Variants in MYH13 observed in about 807,000 individuals in gnomAD.
MYH13 encodes the protein myosin-13.
In MYH13, 177 loss-of-function variants were observed where a neutral mutation model predicts 232.1. That is an observed-to-expected ratio of 0.76 (90% confidence interval 0.67 to 0.86). The LOEUF (loss-of-function observed/expected upper bound fraction) is 0.86, where lower values mean the gene tolerates loss of function less well. MYH13 is among the 40% of genes least tolerant of loss of function. MYH13 has a pLI of 0.00. For missense variants in MYH13, 2,246 were observed against 2,405.9 expected (o/e 0.93, Z 1.39); for synonymous variants, 884 against 923.5 (o/e 0.96, Z 0.78).
rs766050837 is a variant in MYH13 at position 10,362,472 on chromosome 17, G to C, written c.236C>G (p.Pro79Arg). ...MLTLNNDQVF[P>R]MNPPKFDKIE... is the part of the protein sequence containing the mutation. ...CTTGTCAAATTTGGGAGGGTTCATG[G>C]GGAAGACCTGGTCATTGTTCAGAGT... Residue 79 changes from proline to arginine, a missense_variant, in exon 4 of 41, where the codon CCC becomes CGC. By Grantham distance (103) the Pro-to-Arg change is moderately radical. Transcript: ENST00000252172. 1 of 1,614,172 alleles carries C rather than the reference G, an allele frequency of 6.2e-7. No individual in the cohort carries two copies. Among genetic ancestry groups the C allele is most frequent in the South Asian group, 1.1e-5 (1 of 91,082 alleles).
rs1015471771 is a variant in MYH13 at position 10,337,445 on chromosome 17, T to C, written c.2056+2705A>G. 8.5e-5 allele frequency among the ~76,000 whole-genome samples: 13 copies of C among 152,186 alleles called. 1 individual carries two copies. The highest frequency in any genetic ancestry group is 3.1e-4 in the African/African-American group (13 of 41,548). On this transcript the variant is annotated intron_variant, in intron 18 of 40. Coordinates refer to ENST00000252172, the MANE Select transcript of MYH13 (RefSeq NM_003802.3). ...CAGAGGACCTGTGCCCGTGAAGTCC[T>C]AGAGGATTTGGGAGAACAACTAGCA... is the stretch of plus-strand genomic sequence containing the variant.
At chr17:10,338,852 C>T (rs748005824) in intron 18 of MYH13, among the ~76,000 whole-genome samples, 1 of 152,046 alleles carries the variant, frequency 6.6e-6, no homozygotes, top group African/African-American at 2.4e-5. Context: ...AGGCGCCCGC[C>T]ACCACGCCCA....
chr17:10,364,930 C>G (rs2071822275), intron 2 of MYH13, among the ~76,000 whole-genome samples: 1 of 152,082 alleles, frequency 6.6e-6, no homozygotes. Flanking sequence ...GGCTGGAGTG[C>G]AATGGCTCGA....
At chr17:10,303,593 C>T in intron 37 of MYH13, 95 bp from the exon 38 acceptor site, 1 of 1,033,212 alleles carries the variant, frequency 9.7e-7, no homozygotes, top group South Asian at 1.4e-5. Flanking sequence ...AACTCAAGAT[C>T]CCCTAATGGT....
intron 29 of MYH13, among the ~76,000 whole-genome samples, chr17:10,314,593 A>G (rs898924843): frequency 6.6e-6 from 1 of 152,068 alleles, no homozygotes; most frequent in African/African-American, 2.4e-5. Context: ...TTACCATACA[A>G]CAGAAAGATG....
At chr17:10,360,732 A>T (rs1321945189) in intron 5 of MYH13, among the ~76,000 whole-genome samples, 2 of 152,222 alleles carry the variant, frequency 1.3e-5, no homozygotes, top group Non-Finnish European at 2.9e-5. Flanking sequence ...TGGAAATAAG[A>T]TGTAAACAAG....
At position 10,355,238 on chromosome 17, in the gene MYH13, TA is replaced by T. The variant is rs772463030; in HGVS notation, c.739-92del. The T allele has an allele frequency of 6.2e-5, 82 of 1,317,990 alleles. 1 individual carries two copies. Among genetic ancestry groups the T allele is most frequent in the Non-Finnish European group, 8.4e-5 (79 of 940,700 alleles). The allele number at this position is 1,317,990 out of a possible 1,614,324, so 81.6% of individuals were successfully genotyped here. On this transcript the variant is annotated intron_variant, in intron 8 of 40. Transcript: ENST00000252172. ...GATAGGTGCTGCCACAGATAAATTATAAATGCAAAAATGCTAGAGAACAGAA... is the reference window on the plus strand; with the variant it reads ...GATAGGTGCTGCCACAGATAAATTATAATGCAAAAATGCTAGAGAACAGAA...
At position 10,340,307 on chromosome 17, in the gene MYH13, G is replaced by C. The variant is rs373919058; in HGVS notation, c.1968+21C>G. The C allele has an allele frequency of 1.8e-4, 289 of 1,613,776 alleles. 1 individual carries two copies. In the African/African-American group the frequency reaches 3.4e-3, roughly 19 times the overall value. The stretch of plus-strand genomic sequence containing the variant: ...ACTGGGGAGAAAAACAAGTGAATAT[G>C]GAAGCTGCCAAAACACCAACCCTGA... On this transcript the variant is annotated intron_variant, in intron 17 of 40. Coordinates refer to ENST00000252172, the MANE Select transcript of MYH13 (RefSeq NM_003802.3).
chr17:10,320,531 G>A (rs747966644), intron 24 of MYH13, 35 bp from the exon 25 acceptor site: 4 of 1,595,630 alleles, frequency 2.5e-6, no homozygotes, highest in Non-Finnish European at 1.7e-6. Context: ...TTAAGCCCCT[G>A]CTGGGGAAGT....
intron 18 of MYH13, among the ~76,000 whole-genome samples, chr17:10,335,785 G>C (rs1346174420): frequency 1.3e-5 from 2 of 152,044 alleles, no homozygotes; most frequent in Non-Finnish European, 2.9e-5. Flanking sequence ...GAAAAGATGA[G>C]TACAAAGGTT....
intron 27 of MYH13, among the ~76,000 whole-genome samples, chr17:10,318,497 C>G (rs530516692): frequency 6.6e-6 from 1 of 152,334 alleles, no homozygotes; most frequent in South Asian, 2.1e-4. Flanking sequence ...AGGCCTCCGA[C>G]AGACACCGAA....
intron 22 of MYH13, among the ~76,000 whole-genome samples, chr17:10,325,229 T>C (rs1234186888): frequency 6.6e-6 from 1 of 152,254 alleles, no homozygotes; most frequent in Non-Finnish European, 1.5e-5. Flanking sequence ...TATCTCACTC[T>C]TCCTGCTACC....
chr17:10,333,439 A>G (rs1407132106), intron 18 of MYH13, among the ~76,000 whole-genome samples: 1 of 152,212 alleles, frequency 6.6e-6, no homozygotes, highest in Non-Finnish European at 1.5e-5. Context: ...GAGCCAAAGC[A>G]TTGTGCTTTC....
At chr17:10,307,436 C>G (rs187599009) in intron 35 of MYH13, among the ~76,000 whole-genome samples, 1 of 151,752 alleles carries the variant, frequency 6.6e-6, no homozygotes, top group Non-Finnish European at 1.5e-5. Context: ...TAAGGGGTGA[C>G]GACAAACTGG....
chr17:10,320,342 A>C lies in MYH13; in HGVS notation c.3257+9T>G. 3 of 1,611,220 alleles carry C rather than the reference A, an allele frequency of 1.9e-6. No individual in the cohort carries two copies. The highest frequency in any genetic ancestry group is 2.5e-6 in the Non-Finnish European group (3 of 1,178,610). On this transcript the variant is annotated intron_variant, in intron 25 of 40. Coordinates refer to ENST00000252172, the MANE Select transcript of MYH13 (RefSeq NM_003802.3). ...GCTGAGACACAGAGGTGGTAAAAGA[A>C]ATATCTACTTTTTCAATTTCTCTTC... is the stretch of plus-strand genomic sequence containing the variant.
rs752639284 is a variant in MYH13, at chr17:10,362,506, G to C, written c.205-3C>G. ...TGGTCATTGTTCAGAGTGAGCATCT[G>C]GGTATTGAGAGGAAAAGCAGGTAAT... On this transcript the variant is annotated splice_region_variant and splice_polypyrimidine_tract_variant and intron_variant, in intron 3 of 40. Transcript: ENST00000252172. 27 of 1,614,072 alleles carry C rather than the reference G, an allele frequency of 1.7e-5. No individual in the cohort carries two copies. In the South Asian group the frequency reaches 2.7e-4, roughly 16 times the overall value.
At chr17:10,348,137 C>T (rs145941996) in intron 12 of MYH13, among the ~76,000 whole-genome samples, 18 of 152,310 alleles carry the variant, frequency 1.2e-4, no homozygotes, top group African/African-American at 3.8e-4. Context: ...ACTCTCTCCT[C>T]GAATTATCTC....
At position 10,303,391 on chromosome 17, in the gene MYH13, T is replaced by C. The variant is rs200438057; in HGVS notation, c.5571+3A>G. 31 of 1,613,904 alleles carry C rather than the reference T, an allele frequency of 1.9e-5. No homozygotes were observed. The East Asian group carries it at 6.9e-4, about 36-fold the overall frequency. On this transcript the variant is annotated splice_donor_region_variant and intron_variant, in intron 38 of 40. Coordinates refer to ENST00000252172, the MANE Select transcript of MYH13 (RefSeq NM_003802.3). ...TCACTGAGGAGGTTTTTGGGACCCCTACCTGGTAAGTCATCTCCTTGACTT... is the reference window on the plus strand; with the variant it reads ...TCACTGAGGAGGTTTTTGGGACCCCCACCTGGTAAGTCATCTCCTTGACTT...
intron 12 of MYH13, among the ~76,000 whole-genome samples, chr17:10,348,135 C>T (rs1441678716): frequency 6.6e-6 from 1 of 152,200 alleles, no homozygotes; most frequent in Non-Finnish European, 1.5e-5. Flanking sequence ...TTACTCTCTC[C>T]TCGAATTATC....
Sources: gnomAD v4.1 joint callset for allele counts (sites outside exome capture counted in the v4.1 genomes callset) on GRCh38, gnomAD v4.1.1 for gene constraint, MANE v1.5 for transcripts, NCBI Gene and HGNC (gene_info 2026-07-23, HGNC 2026-07-21) for gene names.